Variants in FBXW11 observed in about 807,000 individuals in gnomAD.
The protein encoded by FBXW11 is F-box and WD repeat domain containing 11, also known as F-box/WD repeat-containing protein 11.
A neutral mutation model predicts 77.6 loss-of-function variants in FBXW11; 19 were observed. That is an observed-to-expected ratio of 0.24 (90% CI 0.17 to 0.36). The LOEUF is 0.36. FBXW11 is among the 10% of genes least tolerant of loss of function. FBXW11 has a pLI of 1.00. For missense variants in FBXW11, 334 were observed against 704.2 expected (o/e 0.47, Z 5.95); for synonymous variants, 235 against 249.4 (o/e 0.94, Z 0.54).
chr5:171,965,539 A>T (rs527649065), intron 1 of FBXW11, among the ~76,000 whole-genome samples: 65 of 152,108 alleles, frequency 4.3e-4, no homozygotes, highest in African/African-American at 1.3e-3. Context: ...AAAATAAAAA[A>T]AAAAAAAAAA....
At position 171,910,811 on chromosome 5, in the gene FBXW11, AC is replaced by A. The variant is rs776829877; in HGVS notation, c.211-15del. On this transcript the variant is annotated splice_polypyrimidine_tract_variant and intron_variant, in intron 3 of 13. Coordinates refer to ENST00000517395, the MANE Select transcript of FBXW11 (RefSeq NM_001378974.1). The stretch of plus-strand genomic sequence containing the variant: ...TCCATTACTTATCTATTTTAGAAAA[AC>A]AAAAAAAAAATTAGTTTAACAAGGA... 3 of 1,506,646 alleles carry A rather than the reference AC, an allele frequency of 2.0e-6. No homozygotes were observed. Among genetic ancestry groups the A allele is most frequent in the Admixed American group, 2.3e-5 (1 of 42,950 alleles). 93.3% of individuals were successfully genotyped at this position (1,506,646 alleles called of 1,614,324 possible).
intron 1 of FBXW11, among the ~76,000 whole-genome samples, chr5:171,972,760 G>C (rs1764608847): frequency 6.6e-6 from 1 of 152,028 alleles, no homozygotes; most frequent in Non-Finnish European, 1.5e-5. Context: ...GGCCAGGCTG[G>C]TCTTGAACTC....
rs765047431 is a variant in FBXW11, at chr5:171,899,104, A to G, written c.624-10T>C. On this transcript the variant is annotated splice_polypyrimidine_tract_variant and intron_variant, in intron 5 of 13. Coordinates refer to ENST00000517395, the MANE Select transcript of FBXW11 (RefSeq NM_001378974.1). ...AAACAGGTACTGATCCCTGGCAAATAAAAACAAACAGATGTTACATTTTTG... is the reference window on the plus strand; with the variant it reads ...AAACAGGTACTGATCCCTGGCAAATGAAAACAAACAGATGTTACATTTTTG... 3 of 1,566,446 alleles carry G rather than the reference A, an allele frequency of 1.9e-6. No homozygotes were observed. Among genetic ancestry groups the G allele is most frequent in the Middle Eastern group, 1.7e-4 (1 of 5,898 alleles).
intron 1 of FBXW11, among the ~76,000 whole-genome samples, chr5:171,970,340 C>A (rs910953108): frequency 2.6e-5 from 4 of 152,162 alleles, no homozygotes; most frequent in African/African-American, 9.7e-5. Flanking sequence ...CTCTCACCTG[C>A]CACCATGTAA....
intron 2 of FBXW11, among the ~76,000 whole-genome samples, chr5:171,952,739 C>A (rs1423668872): frequency 1.3e-5 from 2 of 151,624 alleles, no homozygotes; most frequent in Non-Finnish European, 2.9e-5. Flanking sequence ...CGTGAGCCAC[C>A]GCGCCCAGCC....
At chr5:171,879,239 C>T (rs919768589) in intron 7 of FBXW11, among the ~76,000 whole-genome samples, 1 of 152,174 alleles carries the variant, frequency 6.6e-6, no homozygotes, top group African/African-American at 2.4e-5. Context: ...TTCTTTCACA[C>T]AGTAATACAC....
intron 1 of FBXW11, among the ~76,000 whole-genome samples, chr5:171,984,429 T>C (rs1765323757): frequency 6.6e-6 from 1 of 152,236 alleles, no homozygotes; most frequent in African/African-American, 2.4e-5. Flanking sequence ...TCAATCTCAC[T>C]TCTAGTCTAC....
chr5:171,967,402 A>G (rs1764247495), intron 1 of FBXW11, among the ~76,000 whole-genome samples: 1 of 152,246 alleles, frequency 6.6e-6, no homozygotes, highest in Non-Finnish European at 1.5e-5. Context: ...AAATCATGCT[A>G]TACGAATATA....
chr5:171,900,633 A>C (rs1250224353), intron 4 of FBXW11, among the ~76,000 whole-genome samples: 1 of 152,198 alleles, frequency 6.6e-6, no homozygotes, highest in Non-Finnish European at 1.5e-5. Context: ...AAGGCAAAAC[A>C]CCGACTCATC....
At chr5:171,969,079 C>T (rs1764382624) in intron 1 of FBXW11, among the ~76,000 whole-genome samples, 1 of 151,684 alleles carries the variant, frequency 6.6e-6, no homozygotes, top group South Asian at 2.1e-4. Context: ...ACCAGCCTGG[C>T]CAACATGGTG....
intron 1 of FBXW11, among the ~76,000 whole-genome samples, chr5:171,999,308 GACTA>G (rs1204951669): frequency 6.6e-6 from 1 of 151,600 alleles, no homozygotes; most frequent in Non-Finnish European, 1.5e-5. Flanking sequence ...ACAGCAATTT[GACTA>G]ACAGACTCAT....
chr5:171,930,767 A>AT (rs1554102014), intron 2 of FBXW11, among the ~76,000 whole-genome samples: 3 of 148,828 alleles, frequency 2.0e-5, no homozygotes, highest in South Asian at 2.1e-4. Context: ...AAAAATAAAA[A>AT]AAAAAAAAAG....
rs1971110 is a variant in FBXW11 at position 171,916,186 on chromosome 5, T to C, written c.148-1781A>G. Among the ~76,000 whole-genome samples, 1,025 of 147,062 alleles carry C rather than the reference T, an allele frequency of 7.0e-3. 15 individuals are homozygous for C. The highest frequency in any genetic ancestry group is 0.024 in the African/African-American group (953 of 39,798). On this transcript the variant is annotated intron_variant, in intron 2 of 13. Transcript: ENST00000517395. The stretch of plus-strand genomic sequence containing the variant: ...CATACCAACATGGCACATGTATACA[T>C]ATGTAACAAACCTGCACATTGTGCA...
rs139563514 is a variant in FBXW11, at chr5:171,868,688, C to A, written c.1639G>T (p.Ala547Ser). 2.5e-6 allele frequency: 4 copies of A among 1,613,880 alleles called. No individual in the cohort carries two copies. The Admixed American group carries it at 5.0e-5, about 20-fold the overall frequency. The change falls in exon 13 of 14, where the codon GCC becomes TCC. Residue 547 changes from alanine to serine, a missense_variant. Transcript: ENST00000517395. ...GAGGGAGAACGGGTCTCATTCTGGG[C>A]ACTGGGAGGCACATTTAAGAAATCC... ...IWDFLNVPPS[A>S]QNETRSPSRT... is the part of the protein sequence containing the mutation.
chr5:171,938,098 C>T (rs916458115), intron 2 of FBXW11, among the ~76,000 whole-genome samples: 6 of 152,342 alleles, frequency 3.9e-5, no homozygotes, highest in Admixed American at 3.3e-4. Context: ...CACTCTGTCG[C>T]CAAGCCTGAA....
chr5:171,996,514 T>G (rs2113588700), intron 1 of FBXW11, among the ~76,000 whole-genome samples: 1 of 152,120 alleles, frequency 6.6e-6, no homozygotes, highest in Middle Eastern at 3.4e-3. Context: ...AAAAAAGAAA[T>G]TAGCTGAGCA....
intron 2 of FBXW11, among the ~76,000 whole-genome samples, chr5:171,923,538 T>A (rs912345029): frequency 2.6e-5 from 4 of 152,218 alleles, no homozygotes; most frequent in African/African-American, 9.6e-5. Flanking sequence ...TTAAAATTCA[T>A]CTTTACTGAT....
chr5:171,914,431 G>A, intron 2 of FBXW11, 26 bp from the exon 3 acceptor site: 1 of 1,551,364 alleles, frequency 6.4e-7, no homozygotes, highest in Non-Finnish European at 8.7e-7. Context: ...CAGGTTATTT[G>A]AATTATACCA....
chr5:171,968,174 T>C (rs1444630112), intron 1 of FBXW11, among the ~76,000 whole-genome samples: 3 of 151,818 alleles, frequency 2.0e-5, no homozygotes, highest in Admixed American at 1.3e-4. Flanking sequence ...AAGAATTTGG[T>C]TGCCGGGCGC....
Sources: allele counts gnomAD v4.1 joint callset (sites outside exome capture counted in the v4.1 genomes callset), GRCh38; gene constraint gnomAD v4.1.1; transcripts MANE v1.5; gene names NCBI Gene and HGNC (gene_info 2026-07-23, HGNC 2026-07-21).